Variants in PCDHA5 observed in about 807,000 individuals in gnomAD.
PCDHA5 encodes the protein protocadherin alpha-5.
In PCDHA5, 43 loss-of-function variants were observed where a neutral mutation model predicts 61.6. The ratio of observed to expected loss-of-function variants is 0.70; its 90% CI spans 0.55 to 0.90. The LOEUF (loss-of-function observed/expected upper bound fraction) is 0.90. Among genes scored for constraint, PCDHA5 ranks in the 40% least tolerant of loss-of-function variants. The probability of loss-of-function intolerance (pLI) is 0.00; values close to 1 mark genes in which losing one functional copy is unlikely to be tolerated. For synonymous variants in PCDHA5, 627 were observed against 543.9 expected, an observed-to-expected ratio of 1.15 and a Z score of -2.13; for missense variants, 1,298 against 1,222.7, an observed-to-expected ratio of 1.06 and a Z score of -0.92.
At position 140,904,654 on chromosome 5, in the gene PCDHA5, G is replaced by C. The variant is rs554492367; in HGVS notation, c.2353-74295G>C. On this transcript the variant is annotated intron_variant, in intron 1 of 3. Coordinates refer to ENST00000529859, the MANE Select transcript of PCDHA5 (RefSeq NM_018908.3). ...AGGAATCTCCACACTGTTTTCCATAGTGGTTGTACTAGTTTACATTCCCAC... is the reference window on the plus strand; with the variant it reads ...AGGAATCTCCACACTGTTTTCCATACTGGTTGTACTAGTTTACATTCCCAC... Among the ~76,000 whole-genome samples, 175 of 152,122 alleles carry C rather than the reference G, an allele frequency of 1.2e-3. 1 individual carries two copies. The highest frequency in any genetic ancestry group is 3.4e-3 in the Middle Eastern group (1 of 294).
At chr5:140,858,617 AC>A (rs2045522200) in intron 1 of PCDHA5, 1 of 1,181,008 alleles carries the variant, frequency 8.5e-7, no homozygotes. Context: ...TTTTTATCCT[AC>A]CCAGTGTGTC....
intron 1 of PCDHA5, chr5:140,830,015 T>C (rs1770748975): frequency 1.7e-5 from 28 of 1,613,788 alleles, no homozygotes; most frequent in Non-Finnish European, 2.4e-5. Flanking sequence ...CGAAGCGGAC[T>C]CTCCGCGCCA....
At chr5:140,837,116 C>A (rs2150273189) in intron 1 of PCDHA5, 6 of 157,484 alleles carry the variant, frequency 3.8e-5, no homozygotes, top group Non-Finnish European at 8.4e-5. Context: ...TATATGTTAC[C>A]TAATATTTTA....
chr5:140,856,012 G>A lies in PCDHA5; in HGVS notation c.2352+31885G>A, dbSNP rs1158329125. 3 of 1,546,896 alleles carry A rather than the reference G, an allele frequency of 1.9e-6. No homozygotes were observed. The East Asian group carries it at 6.8e-5, about 35-fold the overall frequency. ...TCAGATCGTATGTGCGTTCTAGACC[G>A]CTGATTCGTCGATTTGTAAAACAAG... is the stretch of plus-strand genomic sequence containing the variant. On this transcript the variant is annotated intron_variant, in intron 1 of 3. Coordinates refer to ENST00000529859, the MANE Select transcript of PCDHA5 (RefSeq NM_018908.3).
chr5:140,875,982 T>C (rs782696437), intron 1 of PCDHA5: 8 of 1,613,890 alleles, frequency 5.0e-6, no homozygotes, highest in Middle Eastern at 1.6e-4. Context: ...TTTTGACCTA[T>C]GCGTTAAGTC....
intron 1 of PCDHA5, chr5:140,858,528 T>A (rs2045469480): frequency 1.4e-6 from 2 of 1,404,940 alleles, no homozygotes; most frequent in South Asian, 2.5e-5. Context: ...AATATTTCAT[T>A]TTTGTCTACA....
intron 1 of PCDHA5, chr5:140,843,659 C>T (rs2150364623): frequency 2.5e-6 from 4 of 1,594,466 alleles, no homozygotes; most frequent in Admixed American, 1.7e-5. Flanking sequence ...TCCTCCTGAT[C>T]TGGGATCAGT....
chr5:140,882,204 G>T, intron 1 of PCDHA5: 1 of 1,530,664 alleles, frequency 6.5e-7, no homozygotes. Flanking sequence ...ATTGGGCCTT[G>T]AGAGACAGTT....
intron 1 of PCDHA5, among the ~76,000 whole-genome samples, chr5:140,938,314 T>C (rs1026606524): frequency 2.0e-5 from 3 of 152,220 alleles, no homozygotes; most frequent in Non-Finnish European, 2.9e-5. Flanking sequence ...AGTATAAAAT[T>C]GAATAGAAGT....
intron 1 of PCDHA5, chr5:140,835,779 G>GAGAACAACCCGCCGGGCTGCCACATCTT: frequency 6.2e-7 from 1 of 1,613,360 alleles, no homozygotes; most frequent in Non-Finnish European, 8.5e-7. Context: ...GTTCGTGAAG[G>GAGAACAACCCGCCGGGCTGCCACATCTT]AGAACAACCC....
At chr5:140,852,024 C>A in intron 1 of PCDHA5, 1 of 949,532 alleles carries the variant, frequency 1.1e-6, no homozygotes, top group Non-Finnish European at 1.3e-6. Context: ...TTAAAAACTT[C>A]GCTTATTGAG....
chr5:141,009,889 G>A lies in PCDHA5; in HGVS notation c.2763G>A (p.Gln921=). ...KKKKKKGNKT[Q]EKKEKGNSTT... is the part of the protein sequence containing the mutation. ...AAAAGAAGAAGGGTAACAAGACCCAGGAGAAAAAAGAGAAAGGGAACAGCA... is the reference window on the plus strand; with the variant it reads ...AAAAGAAGAAGGGTAACAAGACCCAAGAGAAAAAAGAGAAAGGGAACAGCA... Residue 921 remains glutamine, a synonymous_variant, in exon 4 of 4, where the codon CAG becomes CAA. Transcript: ENST00000529859. 6.2e-7 allele frequency: 1 copy of A among 1,612,866 alleles called. No homozygotes were observed. Among genetic ancestry groups the A allele is most frequent in the South Asian group, 1.1e-5 (1 of 90,852 alleles).
chr5:140,868,890 G>A (rs1013785921), intron 1 of PCDHA5: 2 of 748,714 alleles, frequency 2.7e-6, no homozygotes, highest in African/African-American at 1.8e-5. Flanking sequence ...AGTTTTAGGC[G>A]CAAGGTGTCG....
chr5:140,838,969 A>G (rs1274095738), intron 1 of PCDHA5, among the ~76,000 whole-genome samples: 1 of 152,050 alleles, frequency 6.6e-6, no homozygotes, highest in Non-Finnish European at 1.5e-5. Flanking sequence ...CCCAGAACTG[A>G]CAATTTTCAC....
rs1456714222 is a variant in PCDHA5 at position 140,825,839 on chromosome 5, A to G, written c.2352+1712A>G. 5.2e-5 allele frequency: 8 copies of G among 152,498 alleles called. No individual in the cohort carries two copies. The East Asian group carries it at 1.5e-3, about 29-fold the overall frequency. 9.4% of individuals were successfully genotyped at this position (152,498 alleles called of 1,614,324 possible). On this transcript the variant is annotated intron_variant, in intron 1 of 3. Transcript: ENST00000529859. ...ACTTTTAGATTAAAAAAATAAATAT[A>G]CCATGATACAAACTCCCCTCTTGAG...
chr5:140,967,251 CG>C, intron 1 of PCDHA5: 1 of 1,613,410 alleles, frequency 6.2e-7, no homozygotes, highest in Non-Finnish European at 8.5e-7. Flanking sequence ...GAATCGGTGG[CG>C]CCTGGAGCGC....
intron 1 of PCDHA5, among the ~76,000 whole-genome samples, chr5:140,945,598 T>C (rs544036785): frequency 1.3e-5 from 2 of 152,116 alleles, no homozygotes; most frequent in South Asian, 2.1e-4. Flanking sequence ...TTCAAAGCTA[T>C]AATAATCAAA....
Position 140,947,771 on chromosome 5 carries a change from T to C in PCDHA5, c.2353-31178T>C, listed in dbSNP as rs1167163964. ...TATTTTATGGTTTAAAAAATTCTAT[T>C]GTAAATGGATTTTAAACAGACTTTT... On this transcript the variant is annotated intron_variant, in intron 1 of 3. Transcript: ENST00000529859. 2.6e-5 allele frequency among the ~76,000 whole-genome samples: 4 copies of C among 151,706 alleles called. No individual in the cohort carries two copies. The East Asian group carries it at 5.8e-4, about 22-fold the overall frequency.
chr5:140,994,417 T>C (rs1401833924), intron 3 of PCDHA5, among the ~76,000 whole-genome samples: 1 of 152,078 alleles, frequency 6.6e-6, no homozygotes, highest in East Asian at 1.9e-4. Context: ...ATACTGGATA[T>C]TGAGGCCGGG....
Sources: gnomAD v4.1 joint callset for allele counts (sites outside exome capture counted in the v4.1 genomes callset) on GRCh38, gnomAD v4.1.1 for gene constraint, MANE v1.5 for transcripts, NCBI Gene and HGNC (gene_info 2026-07-23, HGNC 2026-07-21) for gene names.